The following TLCD4 variants were observed in gnomAD, a reference collection of about 807,000 sequenced individuals.
TLCD4 encodes the protein TLC domain-containing protein 4.
In TLCD4, 7 loss-of-function variants were observed where a neutral mutation model predicts 24.2. That is an observed-to-expected ratio of 0.29 (90% CI 0.16 to 0.54). TLCD4 has a LOEUF of 0.54. Ranked by LOEUF, TLCD4 falls within the 20% of genes least tolerant of loss-of-function variation. TLCD4 has a pLI of 0.95. For synonymous variants in TLCD4, 103 were observed against 106.4 expected, an observed-to-expected ratio of 0.97 and a Z score of 0.20; for missense variants, 259 against 313.9, an observed-to-expected ratio of 0.82 and a Z score of 1.32.
At position 95,185,010 on chromosome 1, in the gene TLCD4, G is replaced by C. The variant is rs556808384; in HGVS notation, c.474-6540G>C. 1.1e-4 allele frequency among the ~76,000 whole-genome samples: 17 copies of C among 152,102 alleles called. No homozygotes were observed. The South Asian group carries it at 2.7e-3, about 24-fold the overall frequency. On this transcript the variant is annotated intron_variant, in intron 6 of 6. Transcript: ENST00000370203. ...ACACTATGGTTATGAGGAAGCTATG[G>C]GTGACCAATTTCTTTTTTTTTTTCT...
the TLCD4 span, among the ~76,000 whole-genome samples, chr1:95,112,123 T>G: frequency 1.3e-5 from 2 of 152,120 alleles, no homozygotes; most frequent in East Asian, 1.9e-4. Flanking sequence ...TGGCTTCTAC[T>G]CACTAGATGC....
intron 6 of TLCD4, among the ~76,000 whole-genome samples, chr1:95,186,830 C>T (rs1678845984): frequency 6.6e-6 from 1 of 152,152 alleles, no homozygotes; most frequent in Non-Finnish European, 1.5e-5. Context: ...TTTTATCCTA[C>T]ATAAACTTAT....
rs147035436 is a variant in TLCD4 at position 95,150,230 on chromosome 1, G to A, written c.268G>A (p.Val90Met). 264 of 1,608,570 alleles carry A rather than the reference G, an allele frequency of 1.6e-4. 1 individual carries two copies. Among genetic ancestry groups the A allele is most frequent in the Non-Finnish European group, 2.1e-4 (248 of 1,179,032 alleles). Reference sequence around the variant, plus strand: ...CAGGGGTGGTCCATCACTTGCAAACGTGAATATTGCTATTGCCTCAGGCTA... The same window carrying A: ...CAGGGGTGGTCCATCACTTGCAAACATGAATATTGCTATTGCCTCAGGCTA... ...PLWGGPSLAN[V>M]NIAIASGYLI... Residue 90 changes from valine (V) to methionine (M), a missense_variant, in exon 4 of 7, where the codon GTG becomes ATG. Val to Met is a conservative substitution (Grantham distance 21). Coordinates refer to ENST00000370203, the MANE Select transcript of TLCD4 (RefSeq NM_152487.3).
intron 5 of TLCD4, chr1:95,163,167 A>T (rs549189840): frequency 1.3e-5 from 2 of 152,190 alleles, no homozygotes; most frequent in Non-Finnish European, 2.9e-5. Flanking sequence ...GTCTCTTCAC[A>T]TAGTCTCATA....
chr1:95,099,422 A>C, the TLCD4 span, among the ~76,000 whole-genome samples: 1 of 152,134 alleles, frequency 6.6e-6, no homozygotes. Flanking sequence ...TTCTGTATGC[A>C]CTCTGTACAC....
intron 2 of TLCD4, among the ~76,000 whole-genome samples, chr1:95,145,753 A>G (rs1677326446): frequency 6.6e-6 from 1 of 152,220 alleles, no homozygotes. Context: ...AGGAAAGGGT[A>G]CAGAGAGATG....
intron 6 of TLCD4, among the ~76,000 whole-genome samples, chr1:95,179,550 A>G (rs1432678897): frequency 2.0e-5 from 3 of 152,226 alleles, no homozygotes; most frequent in South Asian, 2.1e-4. Context: ...AGCCCTTGTC[A>G]TAGACCATCT....
intron 1 of TLCD4, among the ~76,000 whole-genome samples, chr1:95,133,008 G>T (rs941505478): frequency 6.6e-6 from 1 of 152,176 alleles, no homozygotes; most frequent in Non-Finnish European, 1.5e-5. Context: ...GATGAGAAAT[G>T]ATGACAGAAT....
intron 6 of TLCD4, among the ~76,000 whole-genome samples, chr1:95,184,630 T>C (rs1452129629): frequency 6.6e-6 from 1 of 152,218 alleles, no homozygotes; most frequent in Non-Finnish European, 1.5e-5. Flanking sequence ...CAATTTGCTG[T>C]CTTTTATGCC....
chr1:95,185,975 A>G (rs888733356), intron 6 of TLCD4, among the ~76,000 whole-genome samples: 2 of 152,200 alleles, frequency 1.3e-5, no homozygotes, highest in African/African-American at 2.4e-5. Flanking sequence ...ATGGCAGGAC[A>G]GGTTTGGAAG....
chr1:95,174,489 T>C (rs1001380678), intron 6 of TLCD4, among the ~76,000 whole-genome samples: 1 of 144,954 alleles, frequency 6.9e-6, no homozygotes, highest in Non-Finnish European at 1.5e-5. Flanking sequence ...TGGGTAACAT[T>C]GTGAGATCCC....
At chr1:95,178,563 C>CTTTTTTTTTTTT (rs57190787) in intron 6 of TLCD4, among the ~76,000 whole-genome samples, 1 of 82,388 alleles carries the variant, frequency 1.2e-5, no homozygotes, top group East Asian at 3.9e-4. Flanking sequence ...ATGCCCAGCC[C>CTTTTTTTTTTTT]TTTTTTTTTT....
chr1:95,129,558 A>G (rs954151371), intron 1 of TLCD4, among the ~76,000 whole-genome samples: 6 of 152,230 alleles, frequency 3.9e-5, no homozygotes, highest in Non-Finnish European at 7.3e-5. Flanking sequence ...CCTGACCAAC[A>G]TGTTGAAACC....
intron 1 of TLCD4, chr1:95,140,629 G>A (rs375717425): frequency 2.0e-5 from 3 of 152,160 alleles, no homozygotes; most frequent in African/African-American, 4.8e-5. Flanking sequence ...ATGTCTAGAC[G>A]CTCTTGTAAA....
chr1:95,187,653 C>T (rs777804334), intron 6 of TLCD4, among the ~76,000 whole-genome samples: 21 of 152,102 alleles, frequency 1.4e-4, no homozygotes, highest in Non-Finnish European at 2.9e-4. Flanking sequence ...ACTGTTTGTC[C>T]GGTTTCTCCA....
chr1:95,122,177 T>A (rs1221490167), intron 1 of TLCD4, among the ~76,000 whole-genome samples: 3 of 152,000 alleles, frequency 2.0e-5, no homozygotes, highest in Admixed American at 1.3e-4. Context: ...ACCCACATGG[T>A]GAAATGCCGT....
At chr1:95,177,468 C>G (rs1678474175) in intron 6 of TLCD4, among the ~76,000 whole-genome samples, 1 of 152,162 alleles carries the variant, frequency 6.6e-6, no homozygotes, top group Admixed American at 6.5e-5. Flanking sequence ...ATTGGAGGCA[C>G]AAGCAAAGCA....
intron 6 of TLCD4, among the ~76,000 whole-genome samples, chr1:95,176,041 T>C (rs1214332027): frequency 6.6e-6 from 1 of 151,210 alleles, no homozygotes; most frequent in Non-Finnish European, 1.5e-5. Context: ...CTCCCAAAAT[T>C]CTGGGATTAC....
intron 2 of TLCD4, among the ~76,000 whole-genome samples, chr1:95,145,755 A>G (rs1472285746): frequency 1.3e-5 from 2 of 152,218 alleles, no homozygotes; most frequent in East Asian, 3.8e-4. Flanking sequence ...GAAAGGGTAC[A>G]GAGAGATGGA....
Sources: allele counts gnomAD v4.1 joint callset (sites outside exome capture counted in the v4.1 genomes callset), GRCh38; gene constraint gnomAD v4.1.1; transcripts MANE v1.5; gene names NCBI Gene and HGNC (gene_info 2026-07-23, HGNC 2026-07-21).